The following TEX9 variants were observed in gnomAD, a reference collection of about 807,000 sequenced individuals.
TEX9 encodes testis-expressed protein 9.
A neutral mutation model predicts 59.6 loss-of-function variants in TEX9; 74 were observed. That is an observed-to-expected ratio of 1.24 (90% CI 1.03 to 1.51). The LOEUF (loss-of-function observed/expected upper bound fraction) is 1.51, where lower values mean the gene tolerates loss of function less well. Among genes scored for constraint, TEX9 ranks in the 40% most tolerant of loss-of-function variants. TEX9 has a pLI of 0.00. For missense variants in TEX9, 522 were observed against 447.8 expected (o/e 1.17, Z -1.49); for synonymous variants, 186 against 152.2 (o/e 1.22, Z -1.64).
chr15:56,362,641 A>T (rs2046810410), upstream of TEX9, among the ~76,000 whole-genome samples: 1 of 152,186 alleles, frequency 6.6e-6, no homozygotes, highest in South Asian at 2.1e-4. Flanking sequence ...GTACACCATC[A>T]ACACAATTGA....
chr15:56,443,784 C>T lies in TEX9; in HGVS notation c.*30-1887C>T, dbSNP rs201829626. ...TCACGTTTCTTTTTTCTCCAGAGAG[C>T]CTGCTCTTTCTGAAACTCTTCTATA... On this transcript the variant is annotated intron_variant, in intron 12 of 12. Coordinates refer to ENST00000352903, the Ensembl canonical transcript of TEX9. 3.6e-5 allele frequency: 58 copies of T among 1,612,742 alleles called. No individual in the cohort carries two copies. In the African/African-American group the frequency reaches 4.4e-4, roughly 12 times the overall value.
At chr15:56,337,817 C>T (rs1049126742) in intron 1 of TEX9, among the ~76,000 whole-genome samples, 1 of 152,142 alleles carries the variant, frequency 6.6e-6, no homozygotes, top group Non-Finnish European at 1.5e-5. Context: ...ATAAGCAAGA[C>T]CTTAACTTTT....
intron 1 of TEX9, among the ~76,000 whole-genome samples, chr15:56,272,938 A>G (rs112590183): frequency 1.2e-4 from 16 of 137,124 alleles, no homozygotes; most frequent in East Asian, 8.5e-4. Flanking sequence ...TTATTTATTT[A>G]TTTTTTTTGT....
intron 1 of TEX9, among the ~76,000 whole-genome samples, chr15:56,342,293 A>G (rs1251449588): frequency 1.3e-5 from 2 of 152,104 alleles, no homozygotes; most frequent in Non-Finnish European, 2.9e-5. Flanking sequence ...TATTTTTCAG[A>G]TTAGGAAGCT....
chr15:56,416,781 G>C (rs544842802), intron 10 of TEX9, among the ~76,000 whole-genome samples: 8 of 151,998 alleles, frequency 5.3e-5, no homozygotes, highest in Admixed American at 2.6e-4. Context: ...TGTAAGAATG[G>C]TACCAGCTTT....
At chr15:56,411,238 G>A (rs1307161145) in intron 9 of TEX9, among the ~76,000 whole-genome samples, 1 of 152,142 alleles carries the variant, frequency 6.6e-6, no homozygotes, top group Non-Finnish European at 1.5e-5. Context: ...TAACTAACGT[G>A]TGTTAGTGTC....
At chr15:56,284,712 T>C (rs1462099030) in intron 1 of TEX9, among the ~76,000 whole-genome samples, 1 of 152,148 alleles carries the variant, frequency 6.6e-6, no homozygotes. Context: ...CCTAAATTGC[T>C]GTAGCTATTT....
At chr15:56,245,327 G>A (rs2043822901) in intron 1 of TEX9, among the ~76,000 whole-genome samples, 1 of 152,164 alleles carries the variant, frequency 6.6e-6, no homozygotes, top group South Asian at 2.1e-4. Context: ...CAGGGAGGAA[G>A]AACACCTGTG....
chr15:56,279,357 C>T (rs894559645), intron 1 of TEX9, among the ~76,000 whole-genome samples: 3 of 152,120 alleles, frequency 2.0e-5, no homozygotes, highest in Admixed American at 6.6e-5. Flanking sequence ...AAAATTAAGA[C>T]TTATCTCTTG....
At chr15:56,334,584 TG>T (rs1344966629) in intron 1 of TEX9, among the ~76,000 whole-genome samples, 6 of 152,164 alleles carry the variant, frequency 3.9e-5, no homozygotes, top group Admixed American at 2.6e-4. Flanking sequence ...TTTAGAACAT[TG>T]GTTTGGGCAA....
chr15:56,302,450 G>C (rs1289194210), intron 1 of TEX9, among the ~76,000 whole-genome samples: 3 of 152,118 alleles, frequency 2.0e-5, no homozygotes, highest in Admixed American at 6.6e-5. Context: ...GAGCCCAGGA[G>C]ATCAAGGCTG....
At chr15:56,316,674 C>G (rs577868195) in intron 1 of TEX9, among the ~76,000 whole-genome samples, 4 of 152,300 alleles carry the variant, frequency 2.6e-5, no homozygotes, top group African/African-American at 9.6e-5. Flanking sequence ...GTGGTGGGCT[C>G]CACCCAGTTG....
intron 2 of TEX9, among the ~76,000 whole-genome samples, chr15:56,370,628 C>T (rs1270886911): frequency 5.3e-5 from 8 of 152,136 alleles, no homozygotes; most frequent in Non-Finnish European, 7.4e-5. Flanking sequence ...GTTAATGAGC[C>T]ATCTGCTGTC....
chr15:56,407,431 A>G (rs1208300307), intron 9 of TEX9, among the ~76,000 whole-genome samples: 2 of 152,138 alleles, frequency 1.3e-5, no homozygotes, highest in African/African-American at 4.8e-5. Flanking sequence ...CAGCTTTGCT[A>G]ATTTATGTTT....
chr15:56,437,953 A>C (rs1167758241), intron 12 of TEX9, among the ~76,000 whole-genome samples: 7 of 152,220 alleles, frequency 4.6e-5, no homozygotes, highest in Non-Finnish European at 1.0e-4. Context: ...CCACTGCTCA[A>C]CGAAATAAAA....
intron 1 of TEX9, among the ~76,000 whole-genome samples, chr15:56,263,167 TCATTTGCCAC>T (rs1208596367): frequency 6.6e-6 from 1 of 151,924 alleles, no homozygotes; most frequent in Non-Finnish European, 1.5e-5. Context: ...GGGATTACAG[TCATTTGCCAC>T]CATGCCCGGC....
chr15:56,266,722 A>G (rs1233903861), intron 1 of TEX9, among the ~76,000 whole-genome samples: 1 of 152,132 alleles, frequency 6.6e-6, no homozygotes, highest in East Asian at 1.9e-4. Context: ...AATCCTGCCT[A>G]TCATTGATGG....
chr15:56,344,283 A>G (rs1392306955), intron 1 of TEX9, among the ~76,000 whole-genome samples: 1 of 152,218 alleles, frequency 6.6e-6, no homozygotes, highest in Non-Finnish European at 1.5e-5. Context: ...CCATCAACTG[A>G]TGAATGGATA....
chr15:56,336,003 A>G (rs977535544), intron 1 of TEX9, among the ~76,000 whole-genome samples: 2 of 152,192 alleles, frequency 1.3e-5, no homozygotes, highest in African/African-American at 4.8e-5. Flanking sequence ...GCATTTATTT[A>G]CATTTATGGA....
Sources: allele counts gnomAD v4.1 joint callset (sites outside exome capture counted in the v4.1 genomes callset), GRCh38; gene constraint gnomAD v4.1.1; transcripts MANE v1.5; gene names NCBI Gene and HGNC (gene_info 2026-07-23, HGNC 2026-07-21).